The following KIAA0319 variants were observed in gnomAD, a reference collection of about 807,000 sequenced individuals.
KIAA0319 encodes KIAA0319, also known as dyslexia-associated protein KIAA0319.
Under a neutral mutation model 108.4 loss-of-function variants are expected in KIAA0319, and 83 were observed. The ratio of observed to expected loss-of-function variants is 0.77; its 90% confidence interval spans 0.64 to 0.92. The LOEUF (loss-of-function observed/expected upper bound fraction) is 0.92, where lower values mean the gene tolerates loss of function less well. Ranked by LOEUF, KIAA0319 falls within the 40% of genes least tolerant of loss-of-function variation. The probability of loss-of-function intolerance (pLI) is 0.00; values close to 1 mark genes in which losing one functional copy is unlikely to be tolerated. For synonymous variants in KIAA0319, 484 were observed against 510.4 expected, an observed-to-expected ratio of 0.95 and a Z score of 0.70; for missense variants, 1,195 against 1,322.4, an observed-to-expected ratio of 0.90 and a Z score of 1.49.
At chr6:24,569,471 A>T (rs1340441175) in intron 12 of KIAA0319, among the ~76,000 whole-genome samples, 1 of 152,178 alleles carries the variant, frequency 6.6e-6, no homozygotes, top group Admixed American at 6.5e-5. Context: ...TTTAAATAGG[A>T]ATAATATTCT....
At position 24,551,511 on chromosome 6, in the gene KIAA0319, T is replaced by G. The variant is rs755557530; in HGVS notation, c.2963A>C (p.Lys988Thr). 1.1e-4 allele frequency: 171 copies of G among 1,607,428 alleles called. No individual in the cohort carries two copies. Among genetic ancestry groups the G allele is most frequent in the Non-Finnish European group, 1.4e-4 (170 of 1,173,892 alleles). Residue 988 changes from lysine (K) to threonine (T), a missense_variant, in exon 20 of 21, where the codon AAA becomes ACA. Lys to Thr is a moderately conservative substitution (Grantham distance 78). Transcript: ENST00000378214. ...GGTGTACTTTGTTTTTTTCCTGATT[T>G]TAGTCCTTTTTTGTCTGAAAGGAAC... ...ICCCKRQKRTKIRKKTKYTIL... is the reference protein window; with the variant it reads ...ICCCKRQKRTTIRKKTKYTIL...
chr6:24,592,080 C>T (rs1044322394), intron 3 of KIAA0319, among the ~76,000 whole-genome samples: 5 of 152,044 alleles, frequency 3.3e-5, no homozygotes, highest in Non-Finnish European at 5.9e-5. Flanking sequence ...TATTGCTATG[C>T]TTTTGATGTA....
chr6:24,600,646 T>G, intron 2 of KIAA0319: 1 of 1,534,738 alleles, frequency 6.5e-7, no homozygotes, highest in Non-Finnish European at 8.7e-7. Context: ...AGTCTAGTCA[T>G]GGGTCTTCTT....
At chr6:24,608,259 T>A (rs1194776575) in intron 1 of KIAA0319, among the ~76,000 whole-genome samples, 3 of 151,964 alleles carry the variant, frequency 2.0e-5, no homozygotes, top group African/African-American at 7.2e-5. Context: ...CAAAAAAACC[T>A]TAAATAGATG....
At chr6:24,583,128 G>A (rs561447128) in intron 5 of KIAA0319, 2 of 986,288 alleles carry the variant, frequency 2.0e-6, no homozygotes, top group Non-Finnish European at 2.4e-6. Flanking sequence ...TAGAGCACTG[G>A]ACAAGTAGAA....
intron 1 of KIAA0319, among the ~76,000 whole-genome samples, chr6:24,634,362 C>A (rs1775944451): frequency 6.6e-6 from 1 of 152,132 alleles, no homozygotes; most frequent in African/African-American, 2.4e-5. Context: ...CTTTTTCTGT[C>A]ATGTATTCTA....
chr6:24,592,582 T>C (rs572073296), intron 3 of KIAA0319, among the ~76,000 whole-genome samples: 1 of 152,328 alleles, frequency 6.6e-6, no homozygotes, highest in East Asian at 1.9e-4. Context: ...AATGACTTCT[T>C]ATTATGCTAT....
Position 24,596,250 on chromosome 6 carries a change from T to A in KIAA0319, c.424A>T (p.Thr142Ser), listed in dbSNP as rs4576240. ...AGGCCCCAATCTTTGCCTAGAAAGG[T>A]CAAGTCCTTTCTGATATCCTCAGGT... ...DSPEDIRKDLTFLGKDWGLEE... is the reference protein window; with the variant it reads ...DSPEDIRKDLSFLGKDWGLEE... The change falls in exon 3 of 21, where the codon ACC (threonine) becomes TCC (serine). Residue 142 changes from threonine to serine, a missense_variant. By Grantham distance (58) the Thr-to-Ser change is moderately conservative. Coordinates refer to ENST00000378214, the MANE Select transcript of KIAA0319 (RefSeq NM_014809.4). 5 of 1,614,134 alleles carry A rather than the reference T, an allele frequency of 3.1e-6. No individual in the cohort carries two copies. Among genetic ancestry groups the A allele is most frequent in the Non-Finnish European group, 4.2e-6 (5 of 1,180,022 alleles).
chr6:24,589,561 A>G (rs1768132019), intron 3 of KIAA0319, among the ~76,000 whole-genome samples: 1 of 152,046 alleles, frequency 6.6e-6, no homozygotes, highest in Non-Finnish European at 1.5e-5. Flanking sequence ...TTCTCACGAG[A>G]TCTGGTGGTT....
chr6:24,618,444 A>G (rs948933508), intron 1 of KIAA0319, among the ~76,000 whole-genome samples: 3 of 152,050 alleles, frequency 2.0e-5, no homozygotes, highest in African/African-American at 7.3e-5. Context: ...TGTCATCTCT[A>G]TTAAAACTTA....
intron 3 of KIAA0319, among the ~76,000 whole-genome samples, chr6:24,594,619 T>C (rs1181831494): frequency 2.4e-5 from 3 of 124,432 alleles, no homozygotes; most frequent in African/African-American, 8.3e-5. Context: ...AGAGCAAGAC[T>C]CTGTCTCACA....
chr6:24,563,952 T>A (rs1256476157), intron 15 of KIAA0319, among the ~76,000 whole-genome samples: 2 of 152,158 alleles, frequency 1.3e-5, no homozygotes, highest in Non-Finnish European at 2.9e-5. Flanking sequence ...TAAGTCTTTG[T>A]CTTCTGGCAG....
rs372167029 is a variant in KIAA0319 at position 24,596,445 on chromosome 6, A to G, written c.229T>C (p.Cys77Arg). Residue 77 changes from cysteine to arginine, a missense_variant, in exon 3 of 21, where the codon TGC (cysteine) becomes CGC (arginine). Physicochemically the swap from Cys to Arg is radical, Grantham distance 180 (BLOSUM62 -3). Coordinates refer to ENST00000378214, the MANE Select transcript of KIAA0319 (RefSeq NM_014809.4). ...TTGTGGGGGCAGCTCACCAGGTAGC[A>G]GCGGCCCTCGAACCACCAGGCCAGG... ...CDLAWWFEGR[C>R]YLVSCPHKEN... 205 of 1,614,210 alleles carry G rather than the reference A, an allele frequency of 1.3e-4. 1 individual carries two copies. Among genetic ancestry groups the G allele is most frequent in the Middle Eastern group, 8.2e-4 (5 of 6,062 alleles).
At chr6:24,598,601 T>A in intron 2 of KIAA0319, 1 of 369,164 alleles carries the variant, frequency 2.7e-6, no homozygotes, top group South Asian at 2.3e-5. Context: ...GAAGGGTGGG[T>A]GCGGTGGCTC....
At position 24,644,860 on chromosome 6, in the gene KIAA0319, G is replaced by A. The variant is rs553004940; in HGVS notation, c.-106+876C>T. ...CATTTCCCTTTTTCAAATTACAGAG[G>A]AATTCACCTTTCTCTGTGACTCCTA... is the stretch of plus-strand genomic sequence containing the variant. On this transcript the variant is annotated intron_variant, in intron 1 of 20. Coordinates refer to ENST00000378214, the MANE Select transcript of KIAA0319 (RefSeq NM_014809.4). Among the ~76,000 whole-genome samples the A allele has an allele frequency of 2.6e-5, 4 of 152,198 alleles. No homozygotes were observed. The South Asian group carries it at 8.3e-4, about 32-fold the overall frequency.
intron 15 of KIAA0319, among the ~76,000 whole-genome samples, chr6:24,563,725 T>G (rs1160707137): frequency 6.6e-6 from 1 of 152,102 alleles, no homozygotes; most frequent in East Asian, 1.9e-4. Context: ...TTGTTTATAA[T>G]TTTTTTTCCA....
chr6:24,580,324 C>A, intron 7 of KIAA0319, among the ~76,000 whole-genome samples: 1 of 148,234 alleles, frequency 6.7e-6, no homozygotes, highest in Non-Finnish European at 1.5e-5. Flanking sequence ...CCCCCCCACC[C>A]CCCATAACCA....
chr6:24,587,372 C>T lies in KIAA0319; in HGVS notation c.994+1221G>A, dbSNP rs150813724. ...CTCAGCTCACTGCAAGCTTTGCCTC[C>T]CGGGTTCATGCCATTCTCCTGCCTC... On this transcript the variant is annotated intron_variant, in intron 4 of 20. Transcript: ENST00000378214. Among the ~76,000 whole-genome samples the T allele has an allele frequency of 3.9e-3, 599 of 152,182 alleles. 6 individuals are homozygous for T. The highest frequency in any genetic ancestry group is 0.013 in the African/African-American group (556 of 41,520).
At chr6:24,609,217 G>A (rs866826844) in intron 1 of KIAA0319, among the ~76,000 whole-genome samples, 1 of 134,030 alleles carries the variant, frequency 7.5e-6, no homozygotes, top group Non-Finnish European at 1.6e-5. Context: ...GCAGTGAGCC[G>A]AGATTATGCC....
Sources: allele counts gnomAD v4.1 joint callset (sites outside exome capture counted in the v4.1 genomes callset), GRCh38; gene constraint gnomAD v4.1.1; transcripts MANE v1.5; gene names NCBI Gene and HGNC (gene_info 2026-07-23, HGNC 2026-07-21).